The following SDK1 variants were observed in gnomAD, a reference collection of about 807,000 sequenced individuals.
SDK1 encodes sidekick cell adhesion molecule 1, also known as protein sidekick-1.
Under a neutral mutation model 245.5 loss-of-function variants are expected in SDK1, and 157 were observed. The ratio of observed to expected loss-of-function variants is 0.64; its 90% CI spans 0.56 to 0.73. The LOEUF is 0.73. Ranked by LOEUF, SDK1 falls within the 30% of genes least tolerant of loss-of-function variation. The pLI is 0.00. For synonymous variants in SDK1, 1,647 were observed against 1,278.5 expected, an observed-to-expected ratio of 1.29 and a Z score of -6.15; for missense variants, 3,583 against 3,002.3, an observed-to-expected ratio of 1.19 and a Z score of -4.52.
chr7:3,486,896 C>T (rs1004489482), intron 1 of SDK1, among the ~76,000 whole-genome samples: 3 of 151,988 alleles, frequency 2.0e-5, no homozygotes, highest in African/African-American at 7.2e-5. Flanking sequence ...TATTCTCTAC[C>T]AGTTTATCTT....
At position 3,417,966 on chromosome 7, in the gene SDK1, T is replaced by C. The variant is rs886822127; in HGVS notation, c.298+116082T>C. On this transcript the variant is annotated intron_variant, in intron 1 of 44. Transcript: ENST00000404826. ...GACTTAATTACTCATTTACGCAACA[T>C]TGGAACCCTTACAAGTGATTTCTCT... Among the ~76,000 whole-genome samples, 12 of 151,948 alleles carry C rather than the reference T, an allele frequency of 7.9e-5. No individual in the cohort carries two copies. The East Asian group carries it at 1.5e-3, about 20-fold the overall frequency.
chr7:3,849,336 C>T (rs1291095348), intron 5 of SDK1, among the ~76,000 whole-genome samples: 4 of 152,172 alleles, frequency 2.6e-5, no homozygotes, highest in Non-Finnish European at 5.9e-5. Flanking sequence ...GAGGTCTGAG[C>T]TCCTTTCCTG....
At chr7:3,440,199 G>A (rs1780154435) in intron 1 of SDK1, among the ~76,000 whole-genome samples, 1 of 152,136 alleles carries the variant, frequency 6.6e-6, no homozygotes, top group South Asian at 2.1e-4. Context: ...GTAAAATGAA[G>A]GTGTATTCCA....
At chr7:3,889,350 C>T (rs1781404661) in intron 5 of SDK1, among the ~76,000 whole-genome samples, 2 of 152,218 alleles carry the variant, frequency 1.3e-5, no homozygotes, top group South Asian at 4.1e-4. Flanking sequence ...GTCAGGCCTA[C>T]AGTTGGGCTC....
chr7:3,391,523 G>C (rs1781748614), intron 1 of SDK1, among the ~76,000 whole-genome samples: 1 of 151,554 alleles, frequency 6.6e-6, no homozygotes, highest in Non-Finnish European at 1.5e-5. Context: ...TTTCCACAAA[G>C]GAATTATTAT....
At chr7:4,253,393 C>T (rs574128957) in intron 44 of SDK1, among the ~76,000 whole-genome samples, 2 of 152,046 alleles carry the variant, frequency 1.3e-5, no homozygotes, top group Non-Finnish European at 2.9e-5. Flanking sequence ...TTGACACATT[C>T]GTTATTTAGG....
At chr7:4,232,154 T>C (rs644820) in intron 40 of SDK1, among the ~76,000 whole-genome samples, 51,145 of 150,858 alleles carry the variant, frequency 0.34, 9,141 homozygotes, top group African/African-American at 0.44. Flanking sequence ...TTTATAAATA[T>C]TAACTTACTT....
intron 22 of SDK1, among the ~76,000 whole-genome samples, chr7:4,089,025 A>T (rs1173324906): frequency 1.3e-5 from 2 of 149,226 alleles, no homozygotes; most frequent in Non-Finnish European, 3.0e-5. Context: ...CATCTGCACA[A>T]TGAGGCCCCT....
intron 1 of SDK1, among the ~76,000 whole-genome samples, chr7:3,444,549 A>T (rs1274122684): frequency 6.6e-6 from 1 of 152,070 alleles, no homozygotes; most frequent in Non-Finnish European, 1.5e-5. Context: ...CTAGTTTTTC[A>T]AAATTCTGTT....
At chr7:3,628,843 A>T (rs907355295) in intron 2 of SDK1, among the ~76,000 whole-genome samples, 1 of 152,164 alleles carries the variant, frequency 6.6e-6, no homozygotes, top group African/African-American at 2.4e-5. Flanking sequence ...GGTGAGCCCT[A>T]TGTTTGCCCT....
intron 32 of SDK1, among the ~76,000 whole-genome samples, chr7:4,166,667 A>C (rs1781518664): frequency 6.6e-6 from 1 of 152,212 alleles, no homozygotes; most frequent in African/African-American, 2.4e-5. Flanking sequence ...ATGGAAAGTG[A>C]AAGCTCAGAT....
chr7:4,000,126 AG>A (rs1055284033), intron 14 of SDK1, among the ~76,000 whole-genome samples: 4 of 152,156 alleles, frequency 2.6e-5, no homozygotes, highest in African/African-American at 9.7e-5. Flanking sequence ...TTCCCTGGGA[AG>A]GAGGGGGCCC....
chr7:3,645,350 G>A (rs1327800281), intron 4 of SDK1, among the ~76,000 whole-genome samples: 1 of 152,092 alleles, frequency 6.6e-6, no homozygotes, highest in Non-Finnish European at 1.5e-5. Flanking sequence ...GCTGATTATG[G>A]ATATTTACAC....
intron 13 of SDK1, among the ~76,000 whole-genome samples, chr7:3,976,058 CGT>C (rs1472247673): frequency 2.0e-3 from 2 of 992 alleles, no homozygotes; most frequent in African/African-American, 8.0e-3. Context: ...GAGGCTGCCA[CGT>C]AGAGGGTCCT....
intron 5 of SDK1, among the ~76,000 whole-genome samples, chr7:3,893,358 C>T (rs1228000207): frequency 6.6e-6 from 1 of 152,034 alleles, no homozygotes; most frequent in African/African-American, 2.4e-5. Context: ...CCTTAATGCC[C>T]CCGCGGTTGG....
At chr7:3,526,002 G>C (rs1783114696) in intron 1 of SDK1, among the ~76,000 whole-genome samples, 1 of 152,132 alleles carries the variant, frequency 6.6e-6, no homozygotes, top group Admixed American at 6.5e-5. Context: ...GGGAGGCTGA[G>C]GCAGGTGGAA....
intron 1 of SDK1, among the ~76,000 whole-genome samples, chr7:3,373,773 T>C (rs1224060503): frequency 6.6e-6 from 1 of 152,122 alleles, no homozygotes; most frequent in African/African-American, 2.4e-5. Context: ...TTAGAAGCAA[T>C]TTAATAAAAG....
chr7:3,599,661 T>G (rs999155007), intron 1 of SDK1, among the ~76,000 whole-genome samples: 6 of 152,194 alleles, frequency 3.9e-5, no homozygotes, highest in African/African-American at 1.2e-4. Flanking sequence ...GGTAAATGTT[T>G]GATTTTTTGC....
At position 4,162,591 on chromosome 7, in the gene SDK1, G is replaced by C. The variant is rs569140076; in HGVS notation, c.4800+735G>C. ...ACTTTTGTATTTTTAGTAGAGATGG[G>C]GTTTCACCATGTTGACCAGGCTGAT... On this transcript the variant is annotated intron_variant, in intron 32 of 44. Coordinates refer to ENST00000404826, the MANE Select transcript of SDK1 (RefSeq NM_152744.4). 2.8e-4 allele frequency among the ~76,000 whole-genome samples: 43 copies of C among 151,968 alleles called. No individual in the cohort carries two copies. In the South Asian group the frequency reaches 4.0e-3, roughly 14 times the overall value.
Sources: allele counts gnomAD v4.1 joint callset (sites outside exome capture counted in the v4.1 genomes callset), GRCh38; gene constraint gnomAD v4.1.1; transcripts MANE v1.5; gene names NCBI Gene and HGNC (gene_info 2026-07-23, HGNC 2026-07-21).